PCDH11X: variants seen among roughly 807,000 people sequenced by gnomAD.
PCDH11X encodes the protein protocadherin-11 X-linked.
In PCDH11X, 18 loss-of-function variants were observed where a neutral mutation model predicts 53.3. That is an observed-to-expected ratio of 0.34 (90% CI 0.23 to 0.50). The LOEUF (loss-of-function observed/expected upper bound fraction) is 0.50, where lower values mean the gene tolerates loss of function less well. PCDH11X is among the 20% of genes least tolerant of loss of function. The pLI, the probability that PCDH11X is intolerant of heterozygous loss-of-function variation, is 0.98. For missense variants in PCDH11X, 570 were observed against 1,032.4 expected (o/e 0.55, Z 6.14); for synonymous variants, 279 against 393.3 (o/e 0.71, Z 3.44).
At chrX:91,783,399 G>T (rs1361871708) in intron 1 of PCDH11X, among the ~76,000 whole-genome samples, 1 of 111,988 alleles carries the variant, frequency 8.9e-6, no homozygotes, top group Non-Finnish European at 1.9e-5. Context: ...TCCAGGTAAT[G>T]CTGGGTTTCA....
intron 6 of PCDH11X, among the ~76,000 whole-genome samples, chrX:92,088,456 C>A (rs1389912381): frequency 9.1e-6 from 1 of 110,224 alleles, no homozygotes; most frequent in Non-Finnish European, 1.9e-5. Context: ...TATGTCTGTT[C>A]ATTTAGTTGG....
At chrX:92,067,974 G>T (rs1022791551) in intron 6 of PCDH11X, among the ~76,000 whole-genome samples, 76 of 109,920 alleles carry the variant, frequency 6.9e-4, no homozygotes, top group Non-Finnish European at 7.2e-4. Flanking sequence ...AACCACTGAT[G>T]ATTCTTTGAA....
intron 8 of PCDH11X, among the ~76,000 whole-genome samples, chrX:92,334,636 C>G (rs2069572309): frequency 9.0e-6 from 1 of 111,451 alleles, no homozygotes; most frequent in South Asian, 3.8e-4. Flanking sequence ...CATGCCATTA[C>G]AGGAAAAAGT....
chrX:92,214,595 G>A (rs1036023252), intron 7 of PCDH11X, among the ~76,000 whole-genome samples: 7 of 111,784 alleles, frequency 6.3e-5, no homozygotes, highest in African/African-American at 2.3e-4. Context: ...AATCAATTCC[G>A]TTTTTTCCCT....
intron 9 of PCDH11X, among the ~76,000 whole-genome samples, chrX:92,439,921 G>A (rs2072473326): frequency 2.1e-5 from 1 of 48,348 alleles, no homozygotes; most frequent in South Asian, 1.3e-3. Context: ...GGAGAATGGA[G>A]TACAGTTACA....
chrX:91,902,606 T>C (rs1210202053), intron 6 of PCDH11X, among the ~76,000 whole-genome samples: 2 of 109,580 alleles, frequency 1.8e-5, no homozygotes, highest in Admixed American at 2.0e-4. Context: ...GATCTCCATA[T>C]ACAGTCCTGG....
intron 6 of PCDH11X, among the ~76,000 whole-genome samples, chrX:91,887,353 A>G (rs1461167315): frequency 9.0e-6 from 1 of 111,194 alleles, no homozygotes; most frequent in Non-Finnish European, 1.9e-5. Context: ...GCTTCCTAGA[A>G]TATTCAAAGA....
chrX:92,508,973 CA>C (rs1343877557), intron 10 of PCDH11X, among the ~76,000 whole-genome samples: 5 of 100,564 alleles, frequency 5.0e-5, no homozygotes, highest in African/African-American at 1.8e-4. Flanking sequence ...GATTGTTAAG[CA>C]AAAATTAATG....
At chrX:92,027,562 T>A (rs1292186476) in intron 6 of PCDH11X, among the ~76,000 whole-genome samples, 2 of 110,431 alleles carry the variant, frequency 1.8e-5, no homozygotes, top group African/African-American at 6.6e-5. Flanking sequence ...AAGAGAAGCA[T>A]GAAAGTAATA....
intron 10 of PCDH11X, among the ~76,000 whole-genome samples, chrX:92,491,164 T>G (rs2073757671): frequency 9.0e-6 from 1 of 110,895 alleles, no homozygotes; most frequent in Non-Finnish European, 1.9e-5. Flanking sequence ...TTAACTGTTA[T>G]TCCCAGAATC....
chrX:92,035,009 A>G (rs2063107249), intron 6 of PCDH11X, among the ~76,000 whole-genome samples: 2 of 110,608 alleles, frequency 1.8e-5, no homozygotes, highest in East Asian at 5.7e-4. Context: ...GTTTGCATAA[A>G]CAAACAAGCA....
intron 6 of PCDH11X, among the ~76,000 whole-genome samples, chrX:92,123,721 G>C (rs577294857): frequency 1.9e-5 from 2 of 105,852 alleles, no homozygotes; most frequent in South Asian, 8.8e-4. Flanking sequence ...ACACACTCTT[G>C]TATCAGTATC....
chrX:92,334,339 G>T (rs2069564941), intron 8 of PCDH11X, among the ~76,000 whole-genome samples: 2 of 111,581 alleles, frequency 1.8e-5, no homozygotes, highest in Admixed American at 1.9e-4. Context: ...TGAGTTTAGT[G>T]TAGTAAACAC....
At chrX:92,264,084 A>G (rs1196585665) in intron 8 of PCDH11X, among the ~76,000 whole-genome samples, 1 of 112,168 alleles carries the variant, frequency 8.9e-6, no homozygotes, top group African/African-American at 3.2e-5. Context: ...ATCTTATTCT[A>G]GCTTAAGAAA....
In PCDH11X at chrX:92,445,192, C is replaced by CTTT. The variant is rs778466088; in HGVS notation, c.3344-23084_3344-23082dup. On this transcript the variant is annotated intron_variant, in intron 9 of 10. Transcript: ENST00000682573. ...AACTGTGAATCCATTTGGTCCAGGG[C>CTTT]TTTTTTTTTTTTTTTTTTTTTTTTT... Among the ~76,000 whole-genome samples, 116 of 16,521 alleles carry CTTT rather than the reference C, an allele frequency of 7.0e-3. 9 individuals carry two copies. Among genetic ancestry groups the CTTT allele is most frequent in the African/African-American group, 0.021 (98 of 4,596 alleles). The allele number at this position is 16,521 out of a possible 115,157, so 14.3% of individuals were successfully genotyped here.
chrX:92,334,892 A>T, intron 8 of PCDH11X, among the ~76,000 whole-genome samples: 1 of 109,991 alleles, frequency 9.1e-6, no homozygotes, highest in Middle Eastern at 4.7e-3. Context: ...TCGACTGTTT[A>T]TGTTATCGGT....
At chrX:92,165,279 C>G (rs1371934534) in intron 6 of PCDH11X, among the ~76,000 whole-genome samples, 1 of 111,653 alleles carries the variant, frequency 9.0e-6, no homozygotes, top group African/African-American at 3.3e-5. Context: ...TAAAGATGCT[C>G]TGATAATCAG....
At chrX:91,942,925 G>A (rs1483574571) in intron 6 of PCDH11X, among the ~76,000 whole-genome samples, 1 of 104,956 alleles carries the variant, frequency 9.5e-6, no homozygotes, top group African/African-American at 3.5e-5. Flanking sequence ...ATTATTCAGT[G>A]CTTAAAAGAA....
chrX:92,266,188 G>T (rs907769998), intron 8 of PCDH11X, among the ~76,000 whole-genome samples: 2 of 111,628 alleles, frequency 1.8e-5, no homozygotes, highest in Non-Finnish European at 3.8e-5. Flanking sequence ...ATTAACTTGG[G>T]ATTTATTGCA....
Sources: allele counts gnomAD v4.1 joint callset (sites outside exome capture counted in the v4.1 genomes callset), GRCh38; gene constraint gnomAD v4.1.1; transcripts MANE v1.5; gene names NCBI Gene and HGNC (gene_info 2026-07-23, HGNC 2026-07-21).